Variants in TENT2 observed in about 807,000 individuals in gnomAD.
TENT2 encodes the protein poly(A) RNA polymerase GLD2.
A neutral mutation model predicts 72.2 loss-of-function variants in TENT2; 44 were observed. The ratio of observed to expected loss-of-function variants is 0.61; its 90% CI spans 0.48 to 0.78. The LOEUF is 0.78. TENT2 is among the 30% of genes least tolerant of loss of function. The pLI is 0.00. For synonymous variants in TENT2, 212 were observed against 192.5 expected, an observed-to-expected ratio of 1.10 and a Z score of -0.84; for missense variants, 541 against 569.6, an observed-to-expected ratio of 0.95 and a Z score of 0.51.
intron 4 of TENT2, among the ~76,000 whole-genome samples, chr5:79,636,281 C>T (rs1032998942): frequency 1.3e-5 from 2 of 152,068 alleles, no homozygotes; most frequent in African/African-American, 4.8e-5. Flanking sequence ...CTTATGTTGC[C>T]CACTTTAACA....
At chr5:79,649,990 C>T (rs1346059750) in intron 10 of TENT2, among the ~76,000 whole-genome samples, 1 of 151,944 alleles carries the variant, frequency 6.6e-6, no homozygotes, top group African/African-American at 2.4e-5. Flanking sequence ...AGTTATTAGA[C>T]CAGGAGACTG....
intron 4 of TENT2, among the ~76,000 whole-genome samples, chr5:79,628,298 T>C (rs1403344709): frequency 6.6e-6 from 1 of 152,238 alleles, no homozygotes; most frequent in Non-Finnish European, 1.5e-5. Flanking sequence ...AAGCCTTGAA[T>C]GCACAGTAGA....
In TENT2 at chr5:79,623,294, GCAA is replaced by G; in HGVS notation, c.272_274del (p.Gln91del). 2 of 1,612,758 alleles carry G rather than the reference GCAA, an allele frequency of 1.2e-6. No homozygotes were observed. The highest frequency in any genetic ancestry group is 1.7e-6 in the Non-Finnish European group (2 of 1,179,374). On this transcript the variant is annotated inframe_deletion, in exon 4 of 15. Coordinates refer to ENST00000453514, the MANE Select transcript of TENT2 (RefSeq NM_001114394.3). ...AAAACCTTCCTCTTGACGGTAAACG[GCAA>G]CGTTTCCATTCACCCCACCAAGAGC...
At chr5:79,659,639 G>A (rs1374996916) in intron 11 of TENT2, among the ~76,000 whole-genome samples, 2 of 126,070 alleles carry the variant, frequency 1.6e-5, no homozygotes, top group African/African-American at 5.8e-5. Flanking sequence ...TCAGCATACT[G>A]TACATTTTAT....
chr5:79,648,608 C>T lies in TENT2; in HGVS notation c.822-9C>T. On this transcript the variant is annotated splice_polypyrimidine_tract_variant and intron_variant, in intron 8 of 14. Coordinates refer to ENST00000453514, the MANE Select transcript of TENT2 (RefSeq NM_001114394.3). ...AAGTTTATTTATTTATTTATTTTTT[C>T]TTAAATAGTTGTGTGGAGTTTGACT... 6.6e-7 allele frequency: 1 copy of T among 1,516,808 alleles called. No homozygotes were observed. The highest frequency in any genetic ancestry group is 2.3e-5 in the East Asian group (1 of 43,146). The allele number at this position is 1,516,808 out of a possible 1,614,324, so 94.0% of individuals were successfully genotyped here.
intron 4 of TENT2, among the ~76,000 whole-genome samples, chr5:79,635,490 A>G (rs1779358821): frequency 6.6e-6 from 1 of 152,198 alleles, no homozygotes; most frequent in African/African-American, 2.4e-5. Flanking sequence ...GACTGTTTCT[A>G]CATTAACAAG....
intron 4 of TENT2, among the ~76,000 whole-genome samples, chr5:79,636,733 G>A (rs1780416556): frequency 1.3e-5 from 2 of 152,178 alleles, no homozygotes; most frequent in South Asian, 4.1e-4. Context: ...TGAATGTGGT[G>A]TATCTCTCCC....
At chr5:79,683,743 G>A (rs1274878304) in intron 14 of TENT2, among the ~76,000 whole-genome samples, 1 of 150,210 alleles carries the variant, frequency 6.7e-6, no homozygotes, top group Non-Finnish European at 1.5e-5. Flanking sequence ...GTGAAACCCC[G>A]TTTCTACTAA....
chr5:79,630,494 T>G (rs1774438483), intron 4 of TENT2, among the ~76,000 whole-genome samples: 1 of 152,062 alleles, frequency 6.6e-6, no homozygotes, highest in Admixed American at 6.6e-5. Flanking sequence ...AGAGAATTGC[T>G]TGAACCCAGG....
At chr5:79,673,633 T>A (rs1183204355) in intron 12 of TENT2, among the ~76,000 whole-genome samples, 1 of 152,204 alleles carries the variant, frequency 6.6e-6, no homozygotes, top group Non-Finnish European at 1.5e-5. Flanking sequence ...CATTCTTTAT[T>A]CTGTTCCATT....
At chr5:79,625,852 T>C (rs975649034) in intron 4 of TENT2, among the ~76,000 whole-genome samples, 10 of 151,522 alleles carry the variant, frequency 6.6e-5, no homozygotes, top group African/African-American at 1.9e-4. Context: ...TTTTTTGATA[T>C]AGAGTCTAGC....
At chr5:79,680,202 G>A (rs1820605373) in intron 13 of TENT2, among the ~76,000 whole-genome samples, 1 of 152,222 alleles carries the variant, frequency 6.6e-6, no homozygotes, top group Admixed American at 6.5e-5. Context: ...TAAATTGAAG[G>A]CCTTTGTAAA....
chr5:79,656,208 T>C (rs758438331), intron 10 of TENT2, among the ~76,000 whole-genome samples: 17 of 150,240 alleles, frequency 1.1e-4, no homozygotes, highest in Admixed American at 2.0e-4. Context: ...TATATTGTTC[T>C]TTTCATATTA....
chr5:79,647,667 A>G (rs1790224122), intron 8 of TENT2, among the ~76,000 whole-genome samples: 1 of 152,208 alleles, frequency 6.6e-6, no homozygotes, highest in African/African-American at 2.4e-5. Context: ...TAATTAATAT[A>G]GAAATATTTT....
chr5:79,664,452 G>A (rs374475659), intron 11 of TENT2, among the ~76,000 whole-genome samples: 1 of 152,006 alleles, frequency 6.6e-6, no homozygotes, highest in Admixed American at 6.6e-5. Flanking sequence ...AAAATTAGCC[G>A]AGTGTGGAGG....
chr5:79,659,213 A>T (rs1800186308), intron 11 of TENT2, among the ~76,000 whole-genome samples: 1 of 151,934 alleles, frequency 6.6e-6, no homozygotes, highest in Non-Finnish European at 1.5e-5. Flanking sequence ...CGTCTGATGG[A>T]ACAAACAAGT....
chr5:79,631,294 A>G (rs1429122398), intron 4 of TENT2, among the ~76,000 whole-genome samples: 2 of 152,216 alleles, frequency 1.3e-5, no homozygotes, highest in Admixed American at 1.3e-4. Context: ...TCTGGCTTCT[A>G]CAGCTGGTGG....
chr5:79,644,583 T>C (rs568588259), intron 7 of TENT2: 12 of 152,348 alleles, frequency 7.9e-5, no homozygotes, highest in African/African-American at 2.9e-4. Context: ...TTGAATTTCC[T>C]ATCAACTCAT....
chr5:79,639,416 ATTTTTAATTTT>A (rs1203970786), intron 4 of TENT2, among the ~76,000 whole-genome samples: 1 of 151,638 alleles, frequency 6.6e-6, no homozygotes, highest in Non-Finnish European at 1.5e-5. Context: ...CAATTTTATG[ATTTTTAATTTT>A]TTTTTCAGTT....
Sources: gnomAD v4.1 joint callset for allele counts (sites outside exome capture counted in the v4.1 genomes callset) on GRCh38, gnomAD v4.1.1 for gene constraint, MANE v1.5 for transcripts, NCBI Gene and HGNC (gene_info 2026-07-23, HGNC 2026-07-21) for gene names.